MGLL: variants seen among roughly 807,000 people sequenced by gnomAD.
The protein encoded by MGLL is lysophospholipase homolog.
A neutral mutation model predicts 29.1 loss-of-function variants in MGLL; 7 were observed. The ratio of observed to expected loss-of-function variants is 0.24; its 90% CI spans 0.14 to 0.45. The LOEUF is 0.45. Among genes scored for constraint, MGLL ranks in the 20% least tolerant of loss-of-function variants. The pLI is 0.99. For missense variants in MGLL, 356 were observed against 413.6 expected, an observed-to-expected ratio of 0.86 and a Z score of 1.21; for synonymous variants, 148 against 168.3, an observed-to-expected ratio of 0.88 and a Z score of 0.93.
intron 3 of MGLL, among the ~76,000 whole-genome samples, chr3:127,778,872 C>T (rs1340162965): frequency 7.1e-6 from 1 of 141,254 alleles, no homozygotes; most frequent in East Asian, 2.0e-4. Context: ...CCACTTCAGC[C>T]TCCTAAGTAG....
At chr3:127,807,191 T>G (rs2077581353) in intron 2 of MGLL, among the ~76,000 whole-genome samples, 1 of 152,214 alleles carries the variant, frequency 6.6e-6, no homozygotes, top group South Asian at 2.1e-4. Flanking sequence ...TTACTTGTTT[T>G]AAGTCTAAGT....
At chr3:127,762,584 T>A (rs1369909443) in intron 3 of MGLL, among the ~76,000 whole-genome samples, 1 of 152,132 alleles carries the variant, frequency 6.6e-6, no homozygotes, top group Non-Finnish European at 1.5e-5. Flanking sequence ...GAGATCCGGG[T>A]CCAAAACTGC....
intron 3 of MGLL, among the ~76,000 whole-genome samples, chr3:127,777,233 T>A (rs541855): frequency 6.6e-6 from 1 of 151,986 alleles, no homozygotes. Context: ...ATGGGTGAGA[T>A]GAAAGGAAAT....
chr3:127,770,693 C>A (rs556842738), intron 3 of MGLL, among the ~76,000 whole-genome samples: 18 of 152,344 alleles, frequency 1.2e-4, no homozygotes, highest in African/African-American at 4.3e-4. Flanking sequence ...CTCCAGGAGG[C>A]AGGGCTGTAC....
At chr3:127,735,643 TC>T in intron 3 of MGLL, 2 of 1,495,724 alleles carry the variant, frequency 1.3e-6, no homozygotes, top group Non-Finnish European at 1.8e-6. Context: ...TGTAGTTACC[TC>T]CAGTCACCTC....
intron 2 of MGLL, among the ~76,000 whole-genome samples, chr3:127,816,336 G>T (rs2077755154): frequency 6.6e-6 from 1 of 152,180 alleles, no homozygotes; most frequent in Non-Finnish European, 1.5e-5. Context: ...GGGAAAGAAA[G>T]CACTCAACAG....
chr3:127,775,719 GC>G (rs1440871359), intron 3 of MGLL, among the ~76,000 whole-genome samples: 1 of 152,264 alleles, frequency 6.6e-6, no homozygotes. Context: ...TCTGGCCCCA[GC>G]AAGTGCTCCT....
chr3:127,778,396 C>T (rs953053732), intron 3 of MGLL, among the ~76,000 whole-genome samples: 4 of 152,210 alleles, frequency 2.6e-5, no homozygotes, highest in Non-Finnish European at 4.4e-5. Context: ...CCTGGGGTCA[C>T]GCCCACCTGG....
intron 5 of MGLL, chr3:127,713,333 T>C (rs910893496): frequency 6.6e-6 from 1 of 152,250 alleles, no homozygotes; most frequent in Non-Finnish European, 1.5e-5. Flanking sequence ...GACATGGGGC[T>C]GCCAGCTGTG....
At chr3:127,748,476 A>C (rs1576544031) in intron 3 of MGLL, among the ~76,000 whole-genome samples, 1 of 151,670 alleles carries the variant, frequency 6.6e-6, no homozygotes, top group East Asian at 1.9e-4. Flanking sequence ...TTATGGGCTG[A>C]GCTGTTTCCC....
rs150411790 is a variant in MGLL at position 127,738,249 on chromosome 3, C to T, written c.263-15683G>A. 2.5e-3 allele frequency among the ~76,000 whole-genome samples: 381 copies of T among 151,488 alleles called. 3 individuals are homozygous for T. Among genetic ancestry groups the T allele is most frequent in the African/African-American group, 9.0e-3 (371 of 41,226 alleles). On this transcript the variant is annotated intron_variant, in intron 3 of 7. Coordinates refer to ENST00000265052, the MANE Select transcript of MGLL (RefSeq NM_007283.7). ...CCGGGAAGTTGAGGCTGCAGGGAGC[C>T]GTGATTTCACCACTGCACTCCAGCC...
chr3:127,701,877 G>A (rs1440894591), intron 6 of MGLL, among the ~76,000 whole-genome samples: 1 of 152,188 alleles, frequency 6.6e-6, no homozygotes, highest in African/African-American at 2.4e-5. Context: ...TCAAAGCCCA[G>A]GTTAAGCATT....
intron 2 of MGLL, among the ~76,000 whole-genome samples, chr3:127,815,185 C>T (rs2077732610): frequency 6.6e-6 from 1 of 152,162 alleles, no homozygotes; most frequent in Non-Finnish European, 1.5e-5. Context: ...GTTCGTTGGC[C>T]ACTGCTCCTT....
At chr3:127,769,970 C>T (rs1217173242) in intron 3 of MGLL, among the ~76,000 whole-genome samples, 1 of 152,234 alleles carries the variant, frequency 6.6e-6, no homozygotes, top group Non-Finnish European at 1.5e-5. Flanking sequence ...TGCCCTTCCC[C>T]AGGCCGCTCT....
In MGLL at chr3:127,689,953, A is replaced by G. The variant is rs1410004891; in HGVS notation, c.*2245T>C. 6.6e-6 allele frequency: 1 copy of G among 152,132 alleles called. No homozygotes were observed. The highest frequency in any genetic ancestry group is 1.5e-5 in the Non-Finnish European group (1 of 68,028). The allele number at this position is 152,132 out of a possible 1,614,324, so 9.4% of individuals were successfully genotyped here. On this transcript the variant is annotated 3_prime_UTR_variant, in exon 8 of 8. Coordinates refer to ENST00000265052, the MANE Select transcript of MGLL (RefSeq NM_007283.7). ...TTCTTTAACCAGGAATGCAAATGCT[A>G]CTGAAGTGCTGTGTGTGTCTCTGTG...
chr3:127,789,718 A>AAGAG (rs2077270015), intron 2 of MGLL, among the ~76,000 whole-genome samples: 1 of 152,156 alleles, frequency 6.6e-6, no homozygotes, highest in Non-Finnish European at 1.5e-5. Flanking sequence ...GAAAGAAAGA[A>AAGAG]AGGAAAGAAA....
intron 3 of MGLL, among the ~76,000 whole-genome samples, chr3:127,726,230 AAG>A (rs2076042500): frequency 2.0e-5 from 3 of 147,304 alleles, no homozygotes; most frequent in Non-Finnish European, 4.5e-5. Context: ...AAGAGAAAGA[AAG>A]AGGAAGGAAG....
chr3:127,721,134 TG>T lies in MGLL; in HGVS notation c.428del (p.Ala143GlufsTer67). 1.9e-6 allele frequency: 3 copies of T among 1,614,230 alleles called. No homozygotes were observed. Among genetic ancestry groups the T allele is most frequent in the Non-Finnish European group, 2.5e-6 (3 of 1,180,042 alleles). The stretch of plus-strand genomic sequence containing the variant: ...TGCCGGCGAAGTGGCCCGGCCTCTC[TG>T]CGGCCGTGAGGATGGCGATGGCGCC... ...MGGAIAILTA[A>X]ERPGHFAGMV... On this transcript the variant is annotated frameshift_variant, in exon 5 of 8. Transcript: ENST00000265052. LOFTEE classifies it high-confidence loss of function.
At chr3:127,806,469 G>A (rs1251531526) in intron 2 of MGLL, among the ~76,000 whole-genome samples, 3 of 152,106 alleles carry the variant, frequency 2.0e-5, no homozygotes, top group South Asian at 2.1e-4. Context: ...GGATGAATGG[G>A]TGGCTGGGTG....
Sources: allele counts gnomAD v4.1 joint callset (sites outside exome capture counted in the v4.1 genomes callset), GRCh38; gene constraint gnomAD v4.1.1; transcripts MANE v1.5; gene names NCBI Gene and HGNC (gene_info 2026-07-23, HGNC 2026-07-21).